The following XRCC6 variants were observed in gnomAD, a reference collection of about 807,000 sequenced individuals.
The protein encoded by XRCC6 is X-ray repair cross complementing 6.
In XRCC6, 5 loss-of-function variants were observed where a neutral mutation model predicts 65.7. The observed-to-expected ratio is 0.08, with a 90% CI of 0.04 to 0.16. The LOEUF is 0.16. Ranked by LOEUF, XRCC6 falls within the 10% of genes least tolerant of loss-of-function variation. The pLI is 1.00. For missense variants in XRCC6, 447 were observed against 738.1 expected (o/e 0.61, Z 4.57); for synonymous variants, 270 against 270.6 (o/e 1.00, Z 0.02).
chr22:41,622,238 A>G, intron 2 of XRCC6, 152 bp downstream of exon 2: 1 of 837,942 alleles, frequency 1.2e-6, no homozygotes, highest in South Asian at 1.7e-5. Flanking sequence ...TCGCAGAGCT[A>G]CCCTAGGCTC....
At chr22:41,636,042 T>C in intron 3 of XRCC6, 71 bp from the exon 4 acceptor site, 6 of 1,379,662 alleles carry the variant, frequency 4.3e-6, no homozygotes, top group South Asian at 3.2e-5. Context: ...TTTGAGCAAC[T>C]AATAGGTACT....
intron 10 of XRCC6, 57 bp from the exon 11 acceptor site, chr22:41,658,195 A>AT: frequency 1.3e-6 from 2 of 1,583,432 alleles, no homozygotes; most frequent in African/African-American, 2.7e-5. Context: ...TTTTATTCTA[A>AT]TTTTTTCAAT....
intron 6 of XRCC6, 99 bp downstream of exon 6, chr22:41,637,890 C>T (rs968787191): frequency 7.5e-7 from 1 of 1,337,524 alleles, no homozygotes; most frequent in Non-Finnish European, 9.9e-7. Context: ...TTTGGGAGGC[C>T]AAGGCAGGCG....
At position 41,628,069 on chromosome 22, in the gene XRCC6, CAAAT is replaced by C. The variant is rs567176650; in HGVS notation, c.83-47_83-44del. On this transcript the variant is annotated intron_variant, in intron 2 of 12. Coordinates refer to ENST00000360079, the MANE Select transcript of XRCC6 (RefSeq NM_001469.5). ...GCCTTTATTTATCTTATATGGTAAA[CAAAT>C]ACGAAAACAAGGACAAACATTTTCT... 2,588 of 1,327,440 alleles carry C rather than the reference CAAAT, an allele frequency of 1.9e-3. 2 individuals are homozygous for C. The highest frequency in any genetic ancestry group is 4.8e-3 in the Admixed American group (247 of 51,830). The allele number at this position is 1,327,440 out of a possible 1,614,324, so 82.2% of individuals were successfully genotyped here. A position where few individuals can be genotyped will look rare whatever the true frequency, so the allele number is the denominator to read the frequency against.
chr22:41,625,660 A>G (rs1436672217), intron 2 of XRCC6, among the ~76,000 whole-genome samples: 1 of 152,152 alleles, frequency 6.6e-6, no homozygotes, highest in Non-Finnish European at 1.5e-5. Context: ...CTGTTAATCT[A>G]CACCAAAAGA....
At chr22:41,642,703 T>C (rs961173481) in intron 6 of XRCC6, among the ~76,000 whole-genome samples, 20 of 152,220 alleles carry the variant, frequency 1.3e-4, no homozygotes, top group Admixed American at 1.3e-3. Context: ...ACTGTAGCAA[T>C]CTATAGAGTG....
intron 3 of XRCC6, among the ~76,000 whole-genome samples, chr22:41,629,161 G>A (rs1246423288): frequency 6.6e-6 from 1 of 152,058 alleles, no homozygotes; most frequent in East Asian, 1.9e-4. Context: ...GCAAGGCTGT[G>A]GAGAAATTGG....
At chr22:41,622,716 G>A (rs1297327793) in intron 2 of XRCC6, among the ~76,000 whole-genome samples, 2 of 152,030 alleles carry the variant, frequency 1.3e-5, no homozygotes, top group Admixed American at 6.6e-5. Context: ...CGAGGCGGGC[G>A]GATCACGATG....
chr22:41,627,375 CTG>C (rs766193360), intron 2 of XRCC6, among the ~76,000 whole-genome samples: 6 of 151,934 alleles, frequency 3.9e-5, no homozygotes, highest in Non-Finnish European at 5.9e-5. Flanking sequence ...CTTTGGGAGT[CTG>C]AGGTGGGTGG....
At chr22:41,627,801 G>A (rs1165331501) in intron 2 of XRCC6, among the ~76,000 whole-genome samples, 2 of 152,048 alleles carry the variant, frequency 1.3e-5, no homozygotes, top group Admixed American at 6.6e-5. Flanking sequence ...TTGAGCCCAG[G>A]AGTTCGAGGT....
Position 41,621,972 on chromosome 22 carries a change from T to C in XRCC6, c.-15-18T>C. 6.2e-7 allele frequency: 1 copy of C among 1,613,084 alleles called. No individual in the cohort carries two copies. The highest frequency in any genetic ancestry group is 8.5e-7 in the Non-Finnish European group (1 of 1,179,010). ...GATTTAAATTTGCCTGTTACTGACG[T>C]TAACGTCTTTCGCCTAGTGAGCAGT... On this transcript the variant is annotated intron_variant, in intron 1 of 12. Transcript: ENST00000360079.
At chr22:41,637,450 G>A (rs193192592) in intron 5 of XRCC6, among the ~76,000 whole-genome samples, 158 bp from the exon 6 acceptor site, 2 of 152,264 alleles carry the variant, frequency 1.3e-5, no homozygotes, top group East Asian at 3.9e-4. Flanking sequence ...AGTCATTATA[G>A]CAGTTGGTTT....
chr22:41,637,889 C>T, intron 6 of XRCC6, 98 bp downstream of exon 6: 1 of 1,340,892 alleles, frequency 7.5e-7, no homozygotes, highest in South Asian at 1.6e-5. Context: ...GTTTGGGAGG[C>T]CAAGGCAGGC....
chr22:41,624,548 C>T (rs1204475897), intron 2 of XRCC6, among the ~76,000 whole-genome samples: 1 of 149,072 alleles, frequency 6.7e-6, no homozygotes, highest in Non-Finnish European at 1.5e-5. Flanking sequence ...ATTAGCCAGG[C>T]GTGGTGGCAG....
chr22:41,630,652 C>T (rs1343666810), intron 3 of XRCC6, among the ~76,000 whole-genome samples: 8 of 151,954 alleles, frequency 5.3e-5, no homozygotes, highest in East Asian at 1.9e-4. Context: ...TGAGGCCTTC[C>T]GCAGTGTTTG....
chr22:41,641,950 C>T (rs1381508664), intron 6 of XRCC6, among the ~76,000 whole-genome samples: 3 of 152,028 alleles, frequency 2.0e-5, no homozygotes, highest in South Asian at 4.2e-4. Flanking sequence ...CCACCACGCC[C>T]GACTAATTTT....
chr22:41,659,249 G>A (rs908143549), intron 11 of XRCC6, among the ~76,000 whole-genome samples: 2 of 152,110 alleles, frequency 1.3e-5, no homozygotes, highest in African/African-American at 2.4e-5. Context: ...TGTGTCTGGC[G>A]AAAGAGAAAC....
intron 2 of XRCC6, 46 bp from the exon 3 acceptor site, chr22:41,628,072 A>G: frequency 7.4e-7 from 1 of 1,351,674 alleles, no homozygotes; most frequent in Non-Finnish European, 1.0e-6. Flanking sequence ...TGGTAAACAA[A>G]TACGAAAACA....
intron 2 of XRCC6, among the ~76,000 whole-genome samples, chr22:41,623,539 C>T (rs1324416599): frequency 6.6e-6 from 1 of 151,792 alleles, no homozygotes; most frequent in Non-Finnish European, 1.5e-5. Flanking sequence ...AGGCGCCCAC[C>T]ACCACGCCCG....
Sources: gnomAD v4.1 joint callset for allele counts (sites outside exome capture counted in the v4.1 genomes callset) on GRCh38, gnomAD v4.1.1 for gene constraint, MANE v1.5 for transcripts, NCBI Gene and HGNC (gene_info 2026-07-23, HGNC 2026-07-21) for gene names.